The following PRKCB variants were observed in gnomAD, a reference collection of about 807,000 sequenced individuals.
The protein encoded by PRKCB is protein kinase C beta type.
In PRKCB, 13 loss-of-function variants were observed where a neutral mutation model predicts 81.5. That is an observed-to-expected ratio of 0.16 (90% CI 0.10 to 0.25). The LOEUF is 0.25. Among genes scored for constraint, PRKCB ranks in the 10% least tolerant of loss-of-function variants. PRKCB has a pLI of 1.00. For synonymous variants in PRKCB, 335 were observed against 321.4 expected (o/e 1.04, Z -0.45); for missense variants, 509 against 875.7 (o/e 0.58, Z 5.29).
chr16:23,889,234 G>A (rs1437247137), intron 2 of PRKCB, among the ~76,000 whole-genome samples: 6 of 152,068 alleles, frequency 3.9e-5, no homozygotes, highest in African/African-American at 1.4e-4. Flanking sequence ...ATCCTGCTTA[G>A]GTTTGAATCC....
At chr16:23,854,902 A>G (rs8056879) in intron 2 of PRKCB, among the ~76,000 whole-genome samples, 99,808 of 151,946 alleles carry the variant, frequency 0.66, 32,873 homozygotes, top group Admixed American at 0.69. Context: ...TGAGTGCTCA[A>G]CATTTACACC....
chr16:23,938,828 C>T (rs1964098629), intron 2 of PRKCB, among the ~76,000 whole-genome samples: 1 of 152,124 alleles, frequency 6.6e-6, no homozygotes, highest in Admixed American at 6.6e-5. Flanking sequence ...GGGACGTGTT[C>T]AACATAGTGC....
chr16:24,021,142 CTTCT>C (rs1400633579), intron 3 of PRKCB, among the ~76,000 whole-genome samples: 6 of 118,524 alleles, frequency 5.1e-5, no homozygotes, highest in Admixed American at 8.9e-5. Context: ...TCCTTCCTTC[CTTCT>C]TTCTTTTCCT....
At chr16:24,134,931 A>T (rs969445729) in intron 9 of PRKCB, among the ~76,000 whole-genome samples, 6 of 151,864 alleles carry the variant, frequency 4.0e-5, no homozygotes, top group Non-Finnish European at 8.8e-5. Flanking sequence ...AGAAAGCTGC[A>T]TAATGACATT....
At position 24,154,674 on chromosome 16, in the gene PRKCB, T is replaced by G. The variant is rs375689115; in HGVS notation, c.1066-10T>G. 10 of 1,613,842 alleles carry G rather than the reference T, an allele frequency of 6.2e-6. No individual in the cohort carries two copies. The highest frequency in any genetic ancestry group is 8.5e-6 in the Non-Finnish European group (10 of 1,179,854). On this transcript the variant is annotated splice_polypyrimidine_tract_variant and intron_variant, in intron 9 of 16. Transcript: ENST00000643927. Reference sequence around the variant, plus strand: ...TCCAACTGCCCTGACATGCTTGCTCTCTTTCCCAGGTCATGCTTTCAGAAC... The same window carrying G: ...TCCAACTGCCCTGACATGCTTGCTCGCTTTCCCAGGTCATGCTTTCAGAAC...
At chr16:24,012,259 T>G (rs1343085425) in intron 3 of PRKCB, among the ~76,000 whole-genome samples, 2 of 152,270 alleles carry the variant, frequency 1.3e-5, no homozygotes, top group Non-Finnish European at 2.9e-5. Context: ...TGATATATGC[T>G]AACTCATTTA....
At chr16:24,181,368 A>C (rs1397227564) in intron 13 of PRKCB, among the ~76,000 whole-genome samples, 1 of 152,214 alleles carries the variant, frequency 6.6e-6, no homozygotes, top group African/African-American at 2.4e-5. Flanking sequence ...TATTTATAGC[A>C]TGAAATACTA....
chr16:24,109,304 C>T (rs1409877051), intron 7 of PRKCB, among the ~76,000 whole-genome samples: 3 of 81,814 alleles, frequency 3.7e-5, no homozygotes, highest in African/African-American at 1.2e-4. Context: ...CCACCTCCCT[C>T]CCGGATGGGG....
In PRKCB at chr16:24,071,957, A is replaced by G. The variant is rs570576400; in HGVS notation, c.530-20834A>G. On this transcript the variant is annotated intron_variant, in intron 5 of 16. Transcript: ENST00000643927. ...CCAGGATCTCAGCAAGGATGTTATT[A>G]TTATCATGAGGGTGCCCAATTCAGT... 2.6e-5 allele frequency among the ~76,000 whole-genome samples: 4 copies of G among 152,120 alleles called. No homozygotes were observed. In the South Asian group the frequency reaches 8.3e-4, roughly 32 times the overall value.
chr16:24,011,061 T>A (rs1020627523), intron 3 of PRKCB, among the ~76,000 whole-genome samples: 4 of 152,146 alleles, frequency 2.6e-5, no homozygotes, highest in Admixed American at 6.5e-5. Context: ...AGATGGGGTT[T>A]CATCATGTTG....
chr16:24,136,865 A>AT (rs1205135669), intron 9 of PRKCB, among the ~76,000 whole-genome samples: 3 of 151,750 alleles, frequency 2.0e-5, no homozygotes, highest in Non-Finnish European at 4.4e-5. Flanking sequence ...TTTTATTTTA[A>AT]TTTTTTTATT....
chr16:24,100,214 C>T (rs1483308608), intron 7 of PRKCB, among the ~76,000 whole-genome samples: 1 of 152,080 alleles, frequency 6.6e-6, no homozygotes, highest in Admixed American at 6.6e-5. Flanking sequence ...AATCTCCTTT[C>T]TCTCATGGCT....
chr16:23,886,247 T>A lies in PRKCB; in HGVS notation c.205+48841T>A, dbSNP rs1158741611. 2.0e-5 allele frequency among the ~76,000 whole-genome samples: 3 copies of A among 152,088 alleles called. No homozygotes were observed. In the East Asian group the frequency reaches 5.8e-4, roughly 29 times the overall value. On this transcript the variant is annotated intron_variant, in intron 2 of 16. Coordinates refer to ENST00000643927, the MANE Select transcript of PRKCB (RefSeq NM_002738.7). ...TTGACTTGCAGATGGATCAAGGCTT[T>A]TCTTGAGAGAGGCTTCTCTTGCCTG...
intron 2 of PRKCB, among the ~76,000 whole-genome samples, chr16:23,891,025 A>G (rs867567080): frequency 5.9e-4 from 79 of 134,864 alleles, no homozygotes; most frequent in East Asian, 1.5e-3. Flanking sequence ...GTGTGTGTAT[A>G]TATATAATGT....
chr16:23,943,733 A>G (rs1420812200), intron 2 of PRKCB, among the ~76,000 whole-genome samples: 1 of 152,264 alleles, frequency 6.6e-6, no homozygotes, highest in African/African-American at 2.4e-5. Context: ...CTTGCATGAA[A>G]TAGCAACAGG....
intron 2 of PRKCB, among the ~76,000 whole-genome samples, chr16:23,891,697 G>T (rs202031992): frequency 2.0e-5 from 3 of 152,176 alleles, no homozygotes; most frequent in East Asian, 3.9e-4. Context: ...GCCAGTTGTG[G>T]TATCATATCA....
chr16:23,927,704 A>G (rs1963915490), intron 2 of PRKCB, among the ~76,000 whole-genome samples: 1 of 151,986 alleles, frequency 6.6e-6, no homozygotes, highest in African/African-American at 2.4e-5. Context: ...GAGAGAACTT[A>G]GTGATTGATT....
chr16:24,138,517 A>G (rs1966873162), intron 9 of PRKCB, among the ~76,000 whole-genome samples: 1 of 152,094 alleles, frequency 6.6e-6, no homozygotes, highest in African/African-American at 2.4e-5. Flanking sequence ...AAGAAATTTG[A>G]CTAAGCCATA....
intron 2 of PRKCB, among the ~76,000 whole-genome samples, chr16:23,886,404 G>GGGTTTT (rs1963200380): frequency 9.7e-6 from 1 of 103,340 alleles, no homozygotes; most frequent in Non-Finnish European, 1.9e-5. Flanking sequence ...GGTGTGTTAG[G>GGGTTTT]TGTTTTTTTT....
Sources: allele counts gnomAD v4.1 joint callset (sites outside exome capture counted in the v4.1 genomes callset), GRCh38; gene constraint gnomAD v4.1.1; transcripts MANE v1.5; gene names NCBI Gene and HGNC (gene_info 2026-07-23, HGNC 2026-07-21).